Variants in TMEM135 observed in about 807,000 individuals in gnomAD.
TMEM135 encodes the protein peroxisomal membrane protein 52.
Under a neutral mutation model 60.3 loss-of-function variants are expected in TMEM135, and 30 were observed. The ratio of observed to expected loss-of-function variants is 0.50; its 90% CI spans 0.37 to 0.68. The LOEUF (loss-of-function observed/expected upper bound fraction) is 0.68. Ranked by LOEUF, TMEM135 falls within the 30% of genes least tolerant of loss-of-function variation. The pLI, the probability that TMEM135 is intolerant of heterozygous loss-of-function variation, is 0.00. For synonymous variants in TMEM135, 190 were observed against 186.7 expected, an observed-to-expected ratio of 1.02 and a Z score of -0.14; for missense variants, 468 against 548.8, an observed-to-expected ratio of 0.85 and a Z score of 1.47.
intron 6 of TMEM135, chr11:87,259,285 G>T: frequency 5.5e-6 from 2 of 363,332 alleles, no homozygotes; most frequent in South Asian, 2.5e-5. Flanking sequence ...ACCAGAAGTG[G>T]AAAAAAAGGA....
Position 87,290,118 on chromosome 11 carries a change from C to A in TMEM135, c.510-5664C>A, listed in dbSNP as rs1306669301. 4.6e-5 allele frequency among the ~76,000 whole-genome samples: 7 copies of A among 151,222 alleles called. No homozygotes were observed. In the Admixed American group the frequency reaches 4.6e-4, roughly 10 times the overall value. The stretch of plus-strand genomic sequence containing the variant: ...ACATCTTTTACATCTTTTATATTTA[C>A]CAAATGAGTGAAAACTGAGTAGACA... On this transcript the variant is annotated intron_variant, in intron 6 of 14. Coordinates refer to ENST00000305494, the MANE Select transcript of TMEM135 (RefSeq NM_022918.4).
chr11:87,058,326 T>TTTATTA (rs34161815), intron 1 of TMEM135, among the ~76,000 whole-genome samples: 2,706 of 151,010 alleles, frequency 0.018, 92 homozygotes, highest in African/African-American at 0.063. Context: ...TTCTGCCTCC[T>TTTATTA]TTATTATTAT....
At chr11:87,173,073 A>G (rs471471) in intron 5 of TMEM135, among the ~76,000 whole-genome samples, 33,223 of 151,834 alleles carry the variant, frequency 0.22, 4,225 homozygotes, top group East Asian at 0.54. Flanking sequence ...ACTCTCAAAT[A>G]TATATTTTTA....
At position 87,327,462 on chromosome 11, in the gene TMEM135, A is replaced by G. The variant is rs1183680071; in HGVS notation, c.*6129A>G. On this transcript the variant is annotated 3_prime_UTR_variant, in exon 15 of 15. Transcript: ENST00000305494. ...GAGCATTTTGAGAAAATAAACCTCT[A>G]TTTCTTAAAGTTCTGTATCAGTCAG... is the stretch of plus-strand genomic sequence containing the variant. The G allele has an allele frequency of 2.2e-6, 1 of 454,072 alleles. No individual in the cohort carries two copies. The highest frequency in any genetic ancestry group is 4.4e-6 in the Non-Finnish European group (1 of 226,788). The allele number at this position is 454,072 out of a possible 1,614,324, so 28.1% of individuals were successfully genotyped here. A position where few individuals can be genotyped will look rare whatever the true frequency, so the allele number is the denominator to read the frequency against.
chr11:87,314,566 C>A lies in TMEM135; in HGVS notation c.1077+19C>A. 1 of 1,597,074 alleles carries A rather than the reference C, an allele frequency of 6.3e-7. No homozygotes were observed. Among genetic ancestry groups the A allele is most frequent in the Non-Finnish European group, 8.6e-7 (1 of 1,165,814 alleles). ...GGTAGAGGTAAGCGAAATTTTTGTG[C>A]AAGAATAGTTCCAAAGAACATAAAG... On this transcript the variant is annotated intron_variant, in intron 12 of 14. Coordinates refer to ENST00000305494, the MANE Select transcript of TMEM135 (RefSeq NM_022918.4).
chr11:87,111,646 GT>G (rs1857751404), intron 4 of TMEM135, among the ~76,000 whole-genome samples: 2 of 86,248 alleles, frequency 2.3e-5, no homozygotes, highest in African/African-American at 1.1e-4. Flanking sequence ...GCAAGACTCC[GT>G]CTCAAAAAAA....
intron 6 of TMEM135, among the ~76,000 whole-genome samples, chr11:87,244,952 A>G (rs61905655): frequency 0.66 from 98,968 of 150,430 alleles, 33,179 homozygotes; most frequent in Non-Finnish European, 0.71. Context: ...TCGGGTGTCA[A>G]TTTTGGATCT....
At chr11:87,154,023 A>G (rs1938627874) in intron 4 of TMEM135, among the ~76,000 whole-genome samples, 1 of 152,196 alleles carries the variant, frequency 6.6e-6, no homozygotes, top group Non-Finnish European at 1.5e-5. Flanking sequence ...TTTTCTGTGT[A>G]CAGTTCACTG....
At chr11:87,066,129 T>A (rs936757131) in intron 1 of TMEM135, among the ~76,000 whole-genome samples, 1 of 152,224 alleles carries the variant, frequency 6.6e-6, no homozygotes, top group Non-Finnish European at 1.5e-5. Flanking sequence ...CGGAAAAGTA[T>A]TATCTCTAGA....
intron 12 of TMEM135, among the ~76,000 whole-genome samples, chr11:87,315,450 G>A (rs1203523998): frequency 6.6e-6 from 1 of 151,840 alleles, no homozygotes; most frequent in Non-Finnish European, 1.5e-5. Context: ...AAAAATGTCT[G>A]GTTCTCTCTC....
intron 2 of TMEM135, among the ~76,000 whole-genome samples, chr11:87,069,172 T>G (rs1312028610): frequency 5.4e-5 from 8 of 148,858 alleles, no homozygotes; most frequent in African/African-American, 2.0e-4. Flanking sequence ...TGTAGTCCCA[T>G]CTACTTGGGA....
intron 6 of TMEM135, among the ~76,000 whole-genome samples, chr11:87,252,319 AATT>A (rs1941433850): frequency 1.3e-5 from 2 of 152,182 alleles, no homozygotes; most frequent in East Asian, 1.9e-4. Flanking sequence ...GTCTGGGAAA[AATT>A]ATTATAAATG....
At position 87,084,130 on chromosome 11, in the gene TMEM135, C is replaced by T. The variant is rs1442044869; in HGVS notation, c.363-7232C>T. On this transcript the variant is annotated intron_variant, in intron 3 of 14. Coordinates refer to ENST00000305494, the MANE Select transcript of TMEM135 (RefSeq NM_022918.4). Reference sequence around the variant, plus strand: ...ACACCAAAGCTTCTGGAAAAAAAACCCATTATTGATTACGCATCTAATTAG... The same window carrying T: ...ACACCAAAGCTTCTGGAAAAAAAACTCATTATTGATTACGCATCTAATTAG... Among the ~76,000 whole-genome samples the T allele has an allele frequency of 2.0e-5, 3 of 152,000 alleles. No homozygotes were observed. The East Asian group carries it at 5.8e-4, about 29-fold the overall frequency.
intron 5 of TMEM135, among the ~76,000 whole-genome samples, chr11:87,183,245 C>T (rs1287504760): frequency 4.1e-5 from 6 of 147,922 alleles, no homozygotes; most frequent in Admixed American, 2.1e-4. Flanking sequence ...TGGGTTCAAG[C>T]GATTCTCCTG....
At chr11:87,043,916 G>T (rs538395056) in intron 1 of TMEM135, among the ~76,000 whole-genome samples, 1 of 152,134 alleles carries the variant, frequency 6.6e-6, no homozygotes, top group African/African-American at 2.4e-5. Flanking sequence ...ACCTCAGATG[G>T]TTCTAACACT....
chr11:87,208,403 C>G (rs139563217), intron 5 of TMEM135, among the ~76,000 whole-genome samples: 2,377 of 152,164 alleles, frequency 0.016, 24 homozygotes, highest in Middle Eastern at 0.024. Context: ...AAATTCACTA[C>G]AGGAATTTCA....
chr11:87,138,176 C>T (rs534722720), intron 4 of TMEM135, among the ~76,000 whole-genome samples: 47 of 151,798 alleles, frequency 3.1e-4, no homozygotes, highest in African/African-American at 1.1e-3. Context: ...CTGCAACCCC[C>T]GCCTCCTGGG....
Position 87,144,023 on chromosome 11 carries a change from C to T in TMEM135, c.397-13318C>T, listed in dbSNP as rs193063226. On this transcript the variant is annotated intron_variant, in intron 4 of 14. Transcript: ENST00000305494. ...AGATTTTACATTGTTTTCTGTGAGA[C>T]GAATGATGTGACCTTTACCTCACCA... Among the ~76,000 whole-genome samples the T allele has an allele frequency of 6.7e-4, 102 of 151,970 alleles. No individual in the cohort carries two copies. In the Middle Eastern group the frequency reaches 0.014, roughly 20 times the overall value.
At chr11:87,073,667 A>ATTTTATTTT (rs1856814833) in intron 3 of TMEM135, among the ~76,000 whole-genome samples, 1 of 151,560 alleles carries the variant, frequency 6.6e-6, no homozygotes, top group South Asian at 2.1e-4. Context: ...AGGATTGTTT[A>ATTTTATTTT]TTTTATTTTT....
Sources: gnomAD v4.1 joint callset for allele counts (sites outside exome capture counted in the v4.1 genomes callset) on GRCh38, gnomAD v4.1.1 for gene constraint, MANE v1.5 for transcripts, NCBI Gene and HGNC (gene_info 2026-07-23, HGNC 2026-07-21) for gene names.